Variants in CDH18 observed in about 807,000 individuals in gnomAD.
The protein encoded by CDH18 is cadherin-18.
In CDH18, 31 loss-of-function variants were observed where a neutral mutation model predicts 67.9. That is an observed-to-expected ratio of 0.46 (90% confidence interval 0.34 to 0.62). The LOEUF (loss-of-function observed/expected upper bound fraction) is 0.62. CDH18 is among the 20% of genes least tolerant of loss of function. The pLI is 0.01. For missense variants in CDH18, 890 were observed against 975.5 expected (o/e 0.91, Z 1.17); for synonymous variants, 362 against 347.2 (o/e 1.04, Z -0.48).
intron 2 of CDH18, among the ~76,000 whole-genome samples, chr5:20,049,054 T>C (rs950752686): frequency 6.6e-6 from 1 of 151,770 alleles, no homozygotes; most frequent in Non-Finnish European, 1.5e-5. Context: ...ATCTGCTTTA[T>C]TTTTTTATCG....
chr5:20,040,293 T>A (rs940385296), intron 2 of CDH18, among the ~76,000 whole-genome samples: 23 of 151,886 alleles, frequency 1.5e-4, no homozygotes, highest in Non-Finnish European at 2.8e-4. Context: ...ATATTAATAA[T>A]AAAAACATGG....
At chr5:19,653,246 G>C (rs1248743702) in intron 5 of CDH18, among the ~76,000 whole-genome samples, 1 of 152,030 alleles carries the variant, frequency 6.6e-6, no homozygotes, top group Non-Finnish European at 1.5e-5. Flanking sequence ...GGTAGTCATT[G>C]CATAGCAACA....
chr5:20,047,438 T>C (rs1052508836), intron 2 of CDH18, among the ~76,000 whole-genome samples: 2 of 151,822 alleles, frequency 1.3e-5, no homozygotes, highest in African/African-American at 4.8e-5. Flanking sequence ...AACACTATAG[T>C]AGAAATGCTT....
intron 11 of CDH18, 32 bp from the exon 12 acceptor site, chr5:19,483,584 TTA>T: frequency 6.4e-7 from 1 of 1,550,532 alleles, no homozygotes; most frequent in Middle Eastern, 1.8e-4. Flanking sequence ...CAAAATACAC[TTA>T]GTCAAGCCGC....
intron 3 of CDH18, among the ~76,000 whole-genome samples, chr5:19,796,615 A>T (rs1375123572): frequency 6.6e-6 from 1 of 152,236 alleles, no homozygotes; most frequent in Admixed American, 6.5e-5. Context: ...CACACAAAAG[A>T]ATACTGAAAC....
intron 2 of CDH18, among the ~76,000 whole-genome samples, chr5:20,070,932 C>A (rs1191443877): frequency 6.6e-6 from 1 of 152,136 alleles, no homozygotes; most frequent in Non-Finnish European, 1.5e-5. Context: ...TTGGCTAATG[C>A]AATGCTATTT....
intron 8 of CDH18, among the ~76,000 whole-genome samples, chr5:19,546,882 T>G (rs1448966954): frequency 1.3e-5 from 2 of 152,158 alleles, no homozygotes; most frequent in Non-Finnish European, 2.9e-5. Context: ...AACAAGGAAC[T>G]GACCATTGTA....
intron 1 of CDH18, among the ~76,000 whole-genome samples, chr5:20,321,452 A>G (rs1249658165): frequency 1.3e-5 from 2 of 152,026 alleles, no homozygotes; most frequent in Non-Finnish European, 2.9e-5. Context: ...CTTGGGACGA[A>G]TGGAAGGAAA....
chr5:20,229,309 T>C (rs1332535624), intron 2 of CDH18, among the ~76,000 whole-genome samples: 1 of 152,096 alleles, frequency 6.6e-6, no homozygotes, highest in African/African-American at 2.4e-5. Context: ...ATTATTATTA[T>C]TATGTGAACA....
intron 3 of CDH18, among the ~76,000 whole-genome samples, chr5:19,783,212 CA>C (rs1775332425): frequency 6.6e-6 from 1 of 152,072 alleles, no homozygotes; most frequent in Admixed American, 6.6e-5. Context: ...CAAGATACAG[CA>C]GTGGAAAGAA....
At chr5:19,523,511 T>C (rs2126923925) in intron 9 of CDH18, among the ~76,000 whole-genome samples, 1 of 150,596 alleles carries the variant, frequency 6.6e-6, no homozygotes, top group East Asian at 1.9e-4. Context: ...AATATAAAAA[T>C]AGGCAAATAT....
chr5:19,473,333 C>A lies in CDH18; in HGVS notation c.2266G>T (p.Ala756Ser). 6.2e-7 allele frequency: 1 copy of A among 1,613,904 alleles called. No homozygotes were observed. The change falls in exon 13 of 13, where the codon GCA (alanine) becomes TCA (serine). Residue 756 changes from alanine (A) to serine (S), a missense_variant. Physicochemically the swap from Ala to Ser is moderately conservative, Grantham distance 99 (BLOSUM62 1). Around this residue, in one of 2 missense-constraint regions of CDH18, gnomAD observed 656 missense variants for 668.1 expected, o/e 0.98. Transcript: ENST00000382275. ...EAGSISSLDS[A>S]TTQSDQDYHY... ...TAATCCTGGTCTGATTGTGTCGTTG[C>A]TGAATCCAGCGAGCTGATAGACCCA...
chr5:19,707,739 T>A (rs1764151984), intron 5 of CDH18, among the ~76,000 whole-genome samples: 3 of 152,192 alleles, frequency 2.0e-5, no homozygotes, highest in Admixed American at 2.0e-4. Flanking sequence ...CTCCTATAAC[T>A]GAGGCATACC....
At chr5:19,628,450 A>G (rs1253917933) in intron 5 of CDH18, among the ~76,000 whole-genome samples, 1 of 152,200 alleles carries the variant, frequency 6.6e-6, no homozygotes, top group Non-Finnish European at 1.5e-5. Context: ...TTAAGGAGAT[A>G]GGTTAAAAGA....
chr5:19,882,403 G>A (rs1264216499), intron 2 of CDH18, among the ~76,000 whole-genome samples: 1 of 152,008 alleles, frequency 6.6e-6, no homozygotes, highest in Non-Finnish European at 1.5e-5. Flanking sequence ...CCTTGTGGCT[G>A]TTTTATTTTT....
intron 10 of CDH18, among the ~76,000 whole-genome samples, chr5:19,511,585 C>T (rs1385399958): frequency 6.6e-6 from 1 of 152,126 alleles, no homozygotes; most frequent in Admixed American, 6.6e-5. Context: ...ATAAAAGTGA[C>T]TCTTGCTATG....
intron 7 of CDH18, among the ~76,000 whole-genome samples, chr5:19,581,858 G>C (rs1156367): frequency 0.57 from 86,741 of 151,846 alleles, 27,326 homozygotes; most frequent in South Asian, 0.75. Context: ...CGTTTCTCCA[G>C]CTAGGCTTTT....
chr5:19,670,511 C>G (rs1758593167), intron 5 of CDH18, among the ~76,000 whole-genome samples: 1 of 152,038 alleles, frequency 6.6e-6, no homozygotes, highest in African/African-American at 2.4e-5. Flanking sequence ...ACGTTTATCT[C>G]TAAGGATTGG....
chr5:19,687,351 C>G (rs1446967705), intron 5 of CDH18, among the ~76,000 whole-genome samples: 1 of 152,204 alleles, frequency 6.6e-6, no homozygotes, highest in Non-Finnish European at 1.5e-5. Flanking sequence ...GCCCCTGCAT[C>G]TCAGTCACTG....
Sources: gnomAD v4.1 joint callset for allele counts (sites outside exome capture counted in the v4.1 genomes callset) on GRCh38, gnomAD v4.1.1 for gene constraint, gnomAD v4.1.1 regional missense constraint, MANE v1.5 for transcripts, NCBI Gene and HGNC (gene_info 2026-07-23, HGNC 2026-07-21) for gene names.